The following GPHN variants were observed in gnomAD, a reference collection of about 807,000 sequenced individuals.
GPHN encodes the protein gephyrin.
A neutral mutation model predicts 95.5 loss-of-function variants in GPHN; 17 were observed. The ratio of observed to expected loss-of-function variants is 0.18; its 90% CI spans 0.12 to 0.27. GPHN has a LOEUF of 0.27. Ranked by LOEUF, GPHN falls within the 10% of genes least tolerant of loss-of-function variation. GPHN has a pLI of 1.00. For missense variants in GPHN, 660 were observed against 978.1 expected, an observed-to-expected ratio of 0.67 and a Z score of 4.34; for synonymous variants, 320 against 322.5, an observed-to-expected ratio of 0.99 and a Z score of 0.08.
Position 66,943,402 on chromosome 14 carries a change from C to T in GPHN, c.828+19110C>T, listed in dbSNP as rs377722382. Among the ~76,000 whole-genome samples the T allele has an allele frequency of 5.9e-5, 9 of 152,186 alleles. 1 individual carries two copies. Among genetic ancestry groups the T allele is most frequent in the East Asian group, 5.8e-4 (3 of 5,176 alleles). ...GGTGCTGCCAAGGCTTAACTCCTTC[C>T]AGCTTAATTAAAGATGCGGTTAGTA... On this transcript the variant is annotated intron_variant, in intron 8 of 22. Transcript: ENST00000478722.
chr14:67,004,524 G>GT (rs1336112833), intron 9 of GPHN, among the ~76,000 whole-genome samples: 3 of 151,670 alleles, frequency 2.0e-5, no homozygotes, highest in Non-Finnish European at 4.4e-5. Context: ...AGGCTATGTT[G>GT]TTCTAAAATA....
chr14:67,552,814 A>G, the GPHN span, among the ~76,000 whole-genome samples: 1 of 151,600 alleles, frequency 6.6e-6, no homozygotes, highest in Non-Finnish European at 1.5e-5. Flanking sequence ...GGTCGGCAGT[A>G]ATGAGGACCA....
At chr14:66,670,430 G>T (rs1021785898) in intron 1 of GPHN, among the ~76,000 whole-genome samples, 4 of 152,176 alleles carry the variant, frequency 2.6e-5, no homozygotes, top group Non-Finnish European at 5.9e-5. Context: ...GCATGTATCA[G>T]AAATTACAAT....
the GPHN span, among the ~76,000 whole-genome samples, chr14:67,626,008 C>G: frequency 6.6e-6 from 1 of 152,068 alleles, no homozygotes; most frequent in Non-Finnish European, 1.5e-5. Flanking sequence ...AATCCCAGTA[C>G]TTTGGGAGGC....
intron 3 of GPHN, among the ~76,000 whole-genome samples, chr14:66,817,888 GATCAA>G (rs1444932724): frequency 6.6e-6 from 1 of 152,064 alleles, no homozygotes; most frequent in African/African-American, 2.4e-5. Context: ...CCATTCCATT[GATCAA>G]ATCAAGTCAG....
the GPHN span, chr14:67,586,487 A>C: frequency 9.2e-7 from 1 of 1,091,708 alleles, no homozygotes. Flanking sequence ...GGTTCTGCTG[A>C]CCCAACATTA....
intron 3 of GPHN, among the ~76,000 whole-genome samples, chr14:66,796,786 A>G (rs774536663): frequency 3.3e-5 from 5 of 151,722 alleles, no homozygotes; most frequent in Admixed American, 6.6e-5. Flanking sequence ...TCTTCACTCT[A>G]TTGATTGACC....
At chr14:67,059,870 A>G (rs966434398) in intron 11 of GPHN, among the ~76,000 whole-genome samples, 7 of 152,138 alleles carry the variant, frequency 4.6e-5, no homozygotes, top group African/African-American at 7.2e-5. Context: ...TTACTCCTCA[A>G]TAAAGGAAAG....
chr14:67,004,712 AT>A (rs2072482003), intron 9 of GPHN, among the ~76,000 whole-genome samples: 1 of 151,808 alleles, frequency 6.6e-6, no homozygotes, highest in Admixed American at 6.6e-5. Context: ...GTAAAGGCAG[AT>A]TTTCCTAGAA....
chr14:67,427,264 TCGA>T, the GPHN span, among the ~76,000 whole-genome samples: 1 of 152,184 alleles, frequency 6.6e-6, no homozygotes, highest in Non-Finnish European at 1.5e-5. Flanking sequence ...CATCCTGTTG[TCGA>T]CAATTTTAAG....
the GPHN span, among the ~76,000 whole-genome samples, chr14:67,481,151 G>C: frequency 6.6e-6 from 1 of 152,154 alleles, no homozygotes; most frequent in Non-Finnish European, 1.5e-5. Flanking sequence ...AAGTAGGCTG[G>C]TTTGATGTGG....
intron 1 of GPHN, among the ~76,000 whole-genome samples, chr14:66,546,140 A>G (rs373992317): frequency 1.4e-5 from 2 of 146,088 alleles, no homozygotes; most frequent in South Asian, 2.2e-4. Flanking sequence ...ATGGGCGGCC[A>G]GGCAGAGACG....
the GPHN span, among the ~76,000 whole-genome samples, chr14:67,324,648 G>A: frequency 6.6e-6 from 1 of 151,590 alleles, no homozygotes. Context: ...GTAGTGGCAT[G>A]TTCATGGCTC....
At chr14:66,510,271 A>G (rs2139669357) in intron 1 of GPHN, among the ~76,000 whole-genome samples, 1 of 152,328 alleles carries the variant, frequency 6.6e-6, no homozygotes, top group South Asian at 2.1e-4. Context: ...ACAATAATAG[A>G]GTAGTGAGAA....
In GPHN at chr14:67,137,202, G is replaced by A. The variant is rs1236333724; in HGVS notation, c.1749-6160G>A. Among the ~76,000 whole-genome samples the A allele has an allele frequency of 2.6e-5, 4 of 150,954 alleles. No homozygotes were observed. In the South Asian group the frequency reaches 6.3e-4, roughly 24 times the overall value. On this transcript the variant is annotated intron_variant, in intron 17 of 22. Coordinates refer to ENST00000478722, the MANE Select transcript of GPHN (RefSeq NM_020806.5). ...GCACTGTCACCCAGGCTGGAGTGCA[G>A]TGGCACGATCTCTGCTCACTGCAGG...
intron 1 of GPHN, among the ~76,000 whole-genome samples, chr14:66,531,059 A>T (rs2058912235): frequency 6.7e-6 from 1 of 149,282 alleles, no homozygotes; most frequent in African/African-American, 2.5e-5. Context: ...AGGTTCAAGT[A>T]ATTCTCTTCC....
intron 2 of GPHN, among the ~76,000 whole-genome samples, chr14:66,699,017 GAGAATATTAGTCAATGTA>G (rs1194528628): frequency 4.6e-5 from 7 of 151,820 alleles, no homozygotes; most frequent in Non-Finnish European, 1.5e-5. Context: ...TGACCTGAGT[GAGAATATTAGTCAATGTA>G]ACTCTTCAAG....
At chr14:67,003,474 A>G (rs1212397466) in intron 9 of GPHN, among the ~76,000 whole-genome samples, 2 of 151,684 alleles carry the variant, frequency 1.3e-5, no homozygotes, top group South Asian at 2.1e-4. Flanking sequence ...AGCCTACTTC[A>G]AGGCATTTTA....
chr14:67,446,863 T>C, the GPHN span, among the ~76,000 whole-genome samples: 1 of 152,212 alleles, frequency 6.6e-6, no homozygotes, highest in East Asian at 1.9e-4. Context: ...TGCCTGTCTT[T>C]GTAAAAGAAA....
Sources: allele counts gnomAD v4.1 joint callset (sites outside exome capture counted in the v4.1 genomes callset), GRCh38; gene constraint gnomAD v4.1.1; transcripts MANE v1.5; gene names NCBI Gene and HGNC (gene_info 2026-07-23, HGNC 2026-07-21).